NPIPB2: variants seen among roughly 807,000 people sequenced by gnomAD.
NPIPB2 encodes nuclear pore complex interacting protein family member B2.
Under a neutral mutation model 30.8 loss-of-function variants are expected in NPIPB2, and 27 were observed. The ratio of observed to expected loss-of-function variants is 0.88; its 90% CI spans 0.65 to 1.21. The LOEUF (loss-of-function observed/expected upper bound fraction) is 1.21. Ranked by LOEUF, NPIPB2 falls within the 50% of genes most tolerant of loss-of-function variation. NPIPB2 has a pLI of 0.00. For missense variants in NPIPB2, 440 were observed against 446.2 expected (o/e 0.99, Z 0.13); for synonymous variants, 147 against 162.0 (o/e 0.91, Z 0.70).
upstream of NPIPB2, among the ~76,000 whole-genome samples, chr16:11,944,041 T>C (rs1037107809): frequency 2.9e-5 from 4 of 139,022 alleles, no homozygotes; most frequent in African/African-American, 1.1e-4. Flanking sequence ...GTATAATTTA[T>C]AAGAGAGGAA....
intron 1 of NPIPB2, among the ~76,000 whole-genome samples, chr16:11,972,347 G>A (rs545752815): frequency 6.6e-6 from 1 of 152,182 alleles, no homozygotes; most frequent in Admixed American, 6.5e-5. Flanking sequence ...AGGCCGAGGT[G>A]GGCAGATCGT....
chr16:11,952,910 T>C (rs904073497), intron 1 of NPIPB2, among the ~76,000 whole-genome samples: 3 of 152,048 alleles, frequency 2.0e-5, no homozygotes, highest in African/African-American at 7.2e-5. Context: ...TCTACTTCAA[T>C]GTTTACATGT....
intron 1 of NPIPB2, among the ~76,000 whole-genome samples, chr16:11,957,783 T>C (rs2055123320): frequency 6.6e-6 from 1 of 152,118 alleles, no homozygotes; most frequent in South Asian, 2.1e-4. Flanking sequence ...GATTTCAAAC[T>C]CAGTACTGCA....
intron 1 of NPIPB2, among the ~76,000 whole-genome samples, chr16:11,960,514 G>A (rs1429216911): frequency 6.6e-6 from 1 of 151,980 alleles, no homozygotes; most frequent in Non-Finnish European, 1.5e-5. Context: ...GCGCCACCAT[G>A]CCCGGCTAAT....
intron 1 of NPIPB2, 138 bp downstream of exon 1, chr16:11,941,845 C>G: frequency 8.9e-7 from 1 of 1,118,240 alleles, no homozygotes; most frequent in Non-Finnish European, 1.3e-6. Flanking sequence ...AACCTGATTT[C>G]TGGTCCTCCC....
intron 1 of NPIPB2, among the ~76,000 whole-genome samples, chr16:11,949,881 G>T (rs1041318319): frequency 6.6e-6 from 1 of 152,174 alleles, no homozygotes; most frequent in Non-Finnish European, 1.5e-5. Flanking sequence ...AGAGATTCTG[G>T]TTGTCTAAGA....
chr16:11,962,278 A>T (rs1477221824), intron 1 of NPIPB2, among the ~76,000 whole-genome samples: 1 of 150,660 alleles, frequency 6.6e-6, no homozygotes, highest in Non-Finnish European at 1.5e-5. Context: ...AGGCGGGTCG[A>T]TCACGAGGTG....
At chr16:11,959,587 CA>C (rs772286868) in intron 1 of NPIPB2, among the ~76,000 whole-genome samples, 122 of 144,078 alleles carry the variant, frequency 8.5e-4, no homozygotes, top group African/African-American at 1.4e-3. Flanking sequence ...GACCCCGTCT[CA>C]AAAAAAAAAA....
At chr16:11,962,616 A>T (rs962165437) in intron 1 of NPIPB2, among the ~76,000 whole-genome samples, 2 of 150,644 alleles carry the variant, frequency 1.3e-5, no homozygotes, top group Non-Finnish European at 3.0e-5. Context: ...TGTCTCAAAA[A>T]AAAAAAAAAA....
intron 1 of NPIPB2, 118 bp downstream of exon 1, chr16:11,941,865 C>A: frequency 1.1e-6 from 1 of 879,734 alleles, no homozygotes; most frequent in Non-Finnish European, 1.8e-6. Context: ...CCAACCAGCT[C>A]CCTGTCCCTG....
upstream of NPIPB2, among the ~76,000 whole-genome samples, chr16:11,943,118 C>T (rs1186099575): frequency 6.7e-6 from 1 of 149,286 alleles, no homozygotes; most frequent in Non-Finnish European, 1.5e-5. Flanking sequence ...TCAGGAGTTC[C>T]AGACCAGCCT....
At chr16:11,937,472 A>G (rs2054883270) in intron 2 of NPIPB2, 68 bp downstream of exon 2, 1 of 862,044 alleles carries the variant, frequency 1.2e-6, no homozygotes, top group African/African-American at 1.7e-5. Flanking sequence ...AGAAATGTGA[A>G]TTGTTTTATA....
At chr16:11,947,633 C>T (rs112560463) in intron 1 of NPIPB2, among the ~76,000 whole-genome samples, 5,627 of 151,574 alleles carry the variant, frequency 0.037, 354 homozygotes, top group African/African-American at 0.13. Flanking sequence ...CGTGAGCCAC[C>T]GCTCCTGGCC....
At chr16:11,947,367 T>C (rs2055022278) in intron 1 of NPIPB2, among the ~76,000 whole-genome samples, 1 of 149,896 alleles carries the variant, frequency 6.7e-6, no homozygotes, top group South Asian at 2.1e-4. Context: ...TTTTGAGAGA[T>C]GGAGTCTCGC....
chr16:11,951,389 G>A (rs12928141), intron 1 of NPIPB2, among the ~76,000 whole-genome samples: 1 of 145,790 alleles, frequency 6.9e-6, no homozygotes, highest in African/African-American at 2.6e-5. Context: ...GCGTGAACCT[G>A]GGAAGCGGAG....
chr16:11,947,055 T>TATATAC (rs1387151642), intron 1 of NPIPB2, among the ~76,000 whole-genome samples: 2 of 138,682 alleles, frequency 1.4e-5, no homozygotes, highest in South Asian at 2.6e-4. Context: ...TATATATATA[T>TATATAC]ATATGGTATA....
At chr16:11,953,395 T>A (rs193185598) in intron 1 of NPIPB2, among the ~76,000 whole-genome samples, 4 of 151,576 alleles carry the variant, frequency 2.6e-5, no homozygotes, top group African/African-American at 4.9e-5. Flanking sequence ...CAGGGTGGAG[T>A]GCAGTGGAGC....
Position 11,951,508 on chromosome 16 carries a change from A to T in NPIPB2, c.-583-9394T>A, listed in dbSNP as rs144245261. On this transcript the variant is annotated intron_variant, in intron 1 of 5. Transcript: ENST00000538896. ...AAAAGAAAAATTAACATTACTCAGA[A>T]TTCAAAACAAAGTGAGGGCTAATAT... 9.7e-3 allele frequency among the ~76,000 whole-genome samples: 1,464 copies of T among 150,658 alleles called. 42 individuals carry two copies. Among genetic ancestry groups the T allele is most frequent in the African/African-American group, 0.034 (1,373 of 40,766 alleles).
intron 1 of NPIPB2, among the ~76,000 whole-genome samples, chr16:11,951,396 G>A (rs1373827024): frequency 3.6e-5 from 5 of 139,596 alleles, no homozygotes; most frequent in Admixed American, 7.8e-5. Context: ...CCTGGGAAGC[G>A]GAGCTTGCAG....
Sources: gnomAD v4.1 joint callset for allele counts (sites outside exome capture counted in the v4.1 genomes callset) on GRCh38, gnomAD v4.1.1 for gene constraint, MANE v1.5 for transcripts, NCBI Gene and HGNC (gene_info 2026-07-23, HGNC 2026-07-21) for gene names.